BICC1: variants seen among roughly 807,000 people sequenced by gnomAD.
BICC1 encodes the protein protein bicaudal C homolog 1.
Under a neutral mutation model 111.0 loss-of-function variants are expected in BICC1, and 43 were observed. The ratio of observed to expected loss-of-function variants is 0.39; its 90% CI spans 0.30 to 0.50. The LOEUF is 0.50. Ranked by LOEUF, BICC1 falls within the 20% of genes least tolerant of loss-of-function variation. The pLI is 0.88. For synonymous variants in BICC1, 467 were observed against 434.4 expected, an observed-to-expected ratio of 1.07 and a Z score of -0.93; for missense variants, 1,091 against 1,203.2, an observed-to-expected ratio of 0.91 and a Z score of 1.38.
At chr10:58,640,941 C>T (rs552708870) in intron 2 of BICC1, among the ~76,000 whole-genome samples, 2 of 152,118 alleles carry the variant, frequency 1.3e-5, no homozygotes, top group African/African-American at 4.8e-5. Flanking sequence ...TCTTAAGTGT[C>T]TATTTCAACT....
intron 3 of BICC1, among the ~76,000 whole-genome samples, chr10:58,745,224 A>C (rs187752070): frequency 6.6e-6 from 1 of 152,122 alleles, no homozygotes; most frequent in Non-Finnish European, 1.5e-5. Context: ...GTCCTGGCTT[A>C]GGGGATTGGG....
intron 1 of BICC1, among the ~76,000 whole-genome samples, chr10:58,597,515 A>C (rs1844855413): frequency 6.6e-6 from 1 of 152,156 alleles, no homozygotes; most frequent in African/African-American, 2.4e-5. Flanking sequence ...TAAACATCTT[A>C]AACAGCAGAA....
intron 20 of BICC1, among the ~76,000 whole-genome samples, chr10:58,824,886 T>C (rs1202930673): frequency 6.6e-6 from 1 of 152,144 alleles, no homozygotes; most frequent in Non-Finnish European, 1.5e-5. Flanking sequence ...TCAGAATGAG[T>C]TACATCAGTG....
intron 1 of BICC1, among the ~76,000 whole-genome samples, chr10:58,614,185 C>G (rs1212964079): frequency 6.6e-6 from 1 of 152,138 alleles, no homozygotes; most frequent in Non-Finnish European, 1.5e-5. Context: ...AAATGTCACT[C>G]TCTTAATAGG....
At chr10:58,686,518 T>C (rs1839731646) in intron 2 of BICC1, among the ~76,000 whole-genome samples, 1 of 151,254 alleles carries the variant, frequency 6.6e-6, no homozygotes, top group African/African-American at 2.5e-5. Context: ...AATGTAGATT[T>C]GGTCTTTTCA....
chr10:58,606,043 T>C (rs189675227), intron 1 of BICC1, among the ~76,000 whole-genome samples: 111 of 152,322 alleles, frequency 7.3e-4, no homozygotes, highest in African/African-American at 2.5e-3. Context: ...AGATTTCAGA[T>C]AATTAATCAG....
chr10:58,775,279 C>G (rs555176898), intron 3 of BICC1, among the ~76,000 whole-genome samples: 38 of 151,782 alleles, frequency 2.5e-4, no homozygotes, highest in Non-Finnish European at 4.7e-4. Context: ...GAGGCTGAGG[C>G]AGGAGATTCA....
At chr10:58,731,809 A>C (rs1463671485) in intron 3 of BICC1, among the ~76,000 whole-genome samples, 1 of 152,074 alleles carries the variant, frequency 6.6e-6, no homozygotes, top group Non-Finnish European at 1.5e-5. Context: ...TTGTCATGAC[A>C]GTACCAAGAG....
chr10:58,727,056 T>C (rs1186005097), intron 3 of BICC1, among the ~76,000 whole-genome samples: 1 of 152,184 alleles, frequency 6.6e-6, no homozygotes, highest in Non-Finnish European at 1.5e-5. Context: ...ATGCTTATTT[T>C]ACAGAGCTTT....
intron 1 of BICC1, among the ~76,000 whole-genome samples, chr10:58,520,208 G>A (rs1842353510): frequency 6.6e-6 from 1 of 152,132 alleles, no homozygotes; most frequent in Non-Finnish European, 1.5e-5. Flanking sequence ...AAAATACATA[G>A]GGTAATAGTG....
intron 3 of BICC1, among the ~76,000 whole-genome samples, chr10:58,737,237 A>G (rs1046943498): frequency 3.1e-4 from 47 of 152,028 alleles, no homozygotes; most frequent in African/African-American, 9.2e-4. Context: ...TCCCAATGCT[A>G]TCCCTCTCCC....
chr10:58,721,355 T>TG (rs996108546), intron 3 of BICC1, among the ~76,000 whole-genome samples: 29 of 152,166 alleles, frequency 1.9e-4, no homozygotes, highest in Admixed American at 1.9e-3. Context: ...AGGTGACTTT[T>TG]GGGGGAACCC....
At chr10:58,802,741 T>C (rs1843588266) in intron 14 of BICC1, among the ~76,000 whole-genome samples, 1 of 152,214 alleles carries the variant, frequency 6.6e-6, no homozygotes, top group South Asian at 2.1e-4. Flanking sequence ...ATTCCACCTA[T>C]ATCATATGCA....
At chr10:58,731,772 T>A (rs9416730) in intron 3 of BICC1, among the ~76,000 whole-genome samples, 1 of 151,802 alleles carries the variant, frequency 6.6e-6, no homozygotes, top group Non-Finnish European at 1.5e-5. Context: ...TTTTAAACAA[T>A]CAGATCTCTC....
intron 3 of BICC1, among the ~76,000 whole-genome samples, chr10:58,746,858 ACAG>A (rs1018733078): frequency 6.6e-6 from 1 of 152,196 alleles, no homozygotes; most frequent in Non-Finnish European, 1.5e-5. Context: ...TGATATGTCA[ACAG>A]CAGGGAAATA....
intron 1 of BICC1, among the ~76,000 whole-genome samples, chr10:58,587,310 A>G (rs985023454): frequency 6.6e-6 from 1 of 152,144 alleles, no homozygotes; most frequent in Non-Finnish European, 1.5e-5. Context: ...TTCTTGTCCT[A>G]TTAAGCAGAA....
chr10:58,598,319 A>G (rs988889070), intron 1 of BICC1, among the ~76,000 whole-genome samples: 2 of 152,206 alleles, frequency 1.3e-5, no homozygotes, highest in East Asian at 3.9e-4. Flanking sequence ...GATATGGACC[A>G]ATGGAACAGA....
chr10:58,616,301 T>G (rs1006644720), intron 1 of BICC1, among the ~76,000 whole-genome samples: 1 of 152,194 alleles, frequency 6.6e-6, no homozygotes, highest in African/African-American at 2.4e-5. Flanking sequence ...ACAAGTGACA[T>G]GCTCAGAGAT....
chr10:58,747,862 A>G (rs757605922), intron 3 of BICC1, among the ~76,000 whole-genome samples: 3 of 152,124 alleles, frequency 2.0e-5, no homozygotes, highest in Admixed American at 6.6e-5. Flanking sequence ...CTGTGTTTGT[A>G]AATAAAAAGT....
Sources: gnomAD v4.1 joint callset for allele counts (sites outside exome capture counted in the v4.1 genomes callset) on GRCh38, gnomAD v4.1.1 for gene constraint, MANE v1.5 for transcripts, NCBI Gene and HGNC (gene_info 2026-07-23, HGNC 2026-07-21) for gene names.